Variants in DSCAM observed in about 807,000 individuals in gnomAD.
DSCAM encodes the protein cell adhesion molecule DSCAM.
DSCAM carries 47 observed loss-of-function variants against 217.7 expected under a neutral mutation model. The observed-to-expected ratio is 0.22, with a 90% CI of 0.17 to 0.28. The LOEUF is 0.28. Ranked by LOEUF, DSCAM falls within the 10% of genes least tolerant of loss-of-function variation. The pLI is 1.00. For synonymous variants in DSCAM, 1,056 were observed against 1,015.3 expected (o/e 1.04, Z -0.76); for missense variants, 2,080 against 2,618.3 (o/e 0.79, Z 4.49).
chr21:40,673,084 A>T (rs11911010), intron 3 of DSCAM, among the ~76,000 whole-genome samples: 9,655 of 152,134 alleles, frequency 0.063, 917 homozygotes, highest in African/African-American at 0.21. Flanking sequence ...GCCCTGCCCC[A>T]TCCCTTCCCT....
chr21:40,520,223 G>A (rs1315800388), intron 3 of DSCAM, among the ~76,000 whole-genome samples: 2 of 151,880 alleles, frequency 1.3e-5, no homozygotes, highest in African/African-American at 4.8e-5. Context: ...GAATTTTGGT[G>A]GTATACTTAC....
intron 3 of DSCAM, among the ~76,000 whole-genome samples, chr21:40,578,403 G>A (rs436549): frequency 5.3e-5 from 8 of 151,964 alleles, no homozygotes; most frequent in African/African-American, 1.9e-4. Flanking sequence ...AAATGCACCA[G>A]TCAGCACTCT....
At chr21:40,804,760 G>A (rs2091771030) in intron 1 of DSCAM, among the ~76,000 whole-genome samples, 1 of 152,118 alleles carries the variant, frequency 6.6e-6, no homozygotes, top group South Asian at 2.1e-4. Context: ...CATGCTACCT[G>A]TGCTCTTTAG....
At chr21:40,040,752 G>A (rs2088732294) in intron 32 of DSCAM, among the ~76,000 whole-genome samples, 2 of 152,212 alleles carry the variant, frequency 1.3e-5, no homozygotes, top group African/African-American at 2.4e-5. Flanking sequence ...AGTCACCAAC[G>A]CCATTCCCAT....
intron 3 of DSCAM, among the ~76,000 whole-genome samples, chr21:40,475,545 T>G (rs754441876): frequency 6.6e-6 from 1 of 152,216 alleles, no homozygotes; most frequent in African/African-American, 2.4e-5. Flanking sequence ...GTGCTGACTT[T>G]CCCATACAAA....
At chr21:40,363,544 C>T (rs1398326659) in intron 4 of DSCAM, among the ~76,000 whole-genome samples, 2 of 152,032 alleles carry the variant, frequency 1.3e-5, no homozygotes, top group Non-Finnish European at 2.9e-5. Flanking sequence ...TGAGCCACCA[C>T]GCATACCACA....
intron 11 of DSCAM, among the ~76,000 whole-genome samples, chr21:40,244,678 G>C (rs1273518894): frequency 6.6e-6 from 1 of 152,148 alleles, no homozygotes; most frequent in Admixed American, 6.5e-5. Context: ...CCTCACAGCA[G>C]TGGTAGGTAG....
At chr21:40,433,880 T>C (rs976636154) in intron 3 of DSCAM, among the ~76,000 whole-genome samples, 2 of 152,196 alleles carry the variant, frequency 1.3e-5, no homozygotes, top group Non-Finnish European at 2.9e-5. Flanking sequence ...AGGTAGATGA[T>C]GTTACATGAG....
At chr21:40,195,595 C>T (rs2090999218) in intron 11 of DSCAM, among the ~76,000 whole-genome samples, 2 of 152,118 alleles carry the variant, frequency 1.3e-5, no homozygotes, top group South Asian at 4.2e-4. Flanking sequence ...TCCAGGACTT[C>T]CAGTGTTTTA....
chr21:40,169,821 C>T (rs2090636295), intron 15 of DSCAM, among the ~76,000 whole-genome samples: 1 of 152,126 alleles, frequency 6.6e-6, no homozygotes, highest in African/African-American at 2.4e-5. Flanking sequence ...CTTGCTGATG[C>T]TGTCCCTGAC....
chr21:40,157,995 C>CTTATCTATTT (rs1359976979), intron 16 of DSCAM, among the ~76,000 whole-genome samples: 3 of 152,142 alleles, frequency 2.0e-5, no homozygotes, highest in Non-Finnish European at 4.4e-5. Flanking sequence ...TGCCTAGCCT[C>CTTATCTATTT]TTATCTATTT....
intron 16 of DSCAM, among the ~76,000 whole-genome samples, chr21:40,161,289 A>T (rs2090538392): frequency 6.6e-6 from 1 of 152,172 alleles, no homozygotes; most frequent in Non-Finnish European, 1.5e-5. Context: ...AGACGGAGAG[A>T]TGCAGAATAC....
intron 8 of DSCAM, among the ~76,000 whole-genome samples, chr21:40,336,195 C>T (rs1201176998): frequency 2.6e-5 from 4 of 152,168 alleles, no homozygotes; most frequent in African/African-American, 9.7e-5. Context: ...ATTCGACCAG[C>T]TGCTTTTCTT....
At chr21:40,795,654 C>A (rs1258480639) in intron 1 of DSCAM, among the ~76,000 whole-genome samples, 1 of 152,150 alleles carries the variant, frequency 6.6e-6, no homozygotes, top group Non-Finnish European at 1.5e-5. Flanking sequence ...ACAAACGACC[C>A]AAGAACAGGC....
chr21:40,666,843 G>A (rs1158649119), intron 3 of DSCAM, among the ~76,000 whole-genome samples: 1 of 152,192 alleles, frequency 6.6e-6, no homozygotes, highest in African/African-American at 2.4e-5. Flanking sequence ...GTGCAGCAAG[G>A]CACAAGAGTT....
chr21:40,087,615 C>A (rs1041498312), intron 21 of DSCAM, among the ~76,000 whole-genome samples: 6 of 152,176 alleles, frequency 3.9e-5, no homozygotes, highest in African/African-American at 1.4e-4. Context: ...CTTTAGGAAG[C>A]AATTTACCTC....
intron 3 of DSCAM, among the ~76,000 whole-genome samples, chr21:40,375,757 A>G (rs372263113): frequency 2.0e-5 from 3 of 152,298 alleles, no homozygotes; most frequent in African/African-American, 7.2e-5. Flanking sequence ...GAATGCATGC[A>G]TGGGTGGATG....
intron 11 of DSCAM, among the ~76,000 whole-genome samples, chr21:40,262,685 G>A (rs951629087): frequency 6.6e-6 from 1 of 152,136 alleles, no homozygotes; most frequent in African/African-American, 2.4e-5. Flanking sequence ...TTTAGCTCAT[G>A]ACAAGAATAA....
At chr21:40,518,496 A>G (rs1426303225) in intron 3 of DSCAM, among the ~76,000 whole-genome samples, 1 of 19,490 alleles carries the variant, frequency 5.1e-5, no homozygotes, top group Non-Finnish European at 7.3e-5. Context: ...TATATATTAT[A>G]TATTATATAT....
Sources: gnomAD v4.1 joint callset for allele counts (sites outside exome capture counted in the v4.1 genomes callset) on GRCh38, gnomAD v4.1.1 for gene constraint, MANE v1.5 for transcripts, NCBI Gene and HGNC (gene_info 2026-07-23, HGNC 2026-07-21) for gene names.